HPSE2: variants seen among roughly 807,000 people sequenced by gnomAD.
HPSE2 encodes the protein heparanase 2 (inactive).
In HPSE2, 38 loss-of-function variants were observed where a neutral mutation model predicts 60.5. That is an observed-to-expected ratio of 0.63 (90% CI 0.48 to 0.82). The LOEUF is 0.82. Ranked by LOEUF, HPSE2 falls within the 40% of genes least tolerant of loss-of-function variation. The pLI is 0.00. For missense variants in HPSE2, 713 were observed against 740.4 expected (o/e 0.96, Z 0.43); for synonymous variants, 295 against 293.2 (o/e 1.01, Z -0.06).
At chr10:98,561,016 T>C (rs1031853036) in intron 9 of HPSE2, among the ~76,000 whole-genome samples, 5 of 152,190 alleles carry the variant, frequency 3.3e-5, no homozygotes, top group Admixed American at 6.5e-5. Context: ...CTTTTACTTA[T>C]TAAAATTTAA....
At position 98,983,900 on chromosome 10, in the gene HPSE2, A is replaced by C. The variant is rs956841164; in HGVS notation, c.610+160338T>G. ...CCATGGAGCCTCATTCATTGCTAGCACAGCAGTCTGAGATCGAACTGCAAG... is the reference window on the plus strand; with the variant it reads ...CCATGGAGCCTCATTCATTGCTAGCCCAGCAGTCTGAGATCGAACTGCAAG... On this transcript the variant is annotated intron_variant, in intron 3 of 11. Transcript: ENST00000370552. Among the ~76,000 whole-genome samples the C allele has an allele frequency of 1.5e-4, 23 of 152,286 alleles. No individual in the cohort carries two copies. The East Asian group carries it at 1.7e-3, about 12-fold the overall frequency.
At chr10:98,545,781 T>C (rs1193933358) in intron 9 of HPSE2, among the ~76,000 whole-genome samples, 2 of 151,360 alleles carry the variant, frequency 1.3e-5, no homozygotes, top group African/African-American at 2.4e-5. Context: ...CTATTCAACA[T>C]AGTGTTGGAA....
intron 9 of HPSE2, among the ~76,000 whole-genome samples, chr10:98,598,856 A>G (rs767559215): frequency 2.0e-5 from 3 of 151,932 alleles, no homozygotes; most frequent in Non-Finnish European, 4.4e-5. Context: ...GCCTGCGATC[A>G]TGGGTACTGG....
At chr10:98,570,737 A>C (rs1017981177) in intron 9 of HPSE2, among the ~76,000 whole-genome samples, 1 of 152,100 alleles carries the variant, frequency 6.6e-6, no homozygotes, top group Admixed American at 6.5e-5. Context: ...ACCACAGATA[A>C]AGGGTCTAGG....
intron 3 of HPSE2, among the ~76,000 whole-genome samples, chr10:99,110,035 A>T (rs193245910): frequency 6.6e-6 from 1 of 152,214 alleles, no homozygotes; most frequent in East Asian, 1.9e-4. Flanking sequence ...AAAAATTTGT[A>T]TCACAAGCAA....
At chr10:98,962,980 T>G (rs1955718336) in intron 3 of HPSE2, among the ~76,000 whole-genome samples, 1 of 152,202 alleles carries the variant, frequency 6.6e-6, no homozygotes. Context: ...CTGTCTTGTG[T>G]TCTACAGAGC....
intron 6 of HPSE2, among the ~76,000 whole-genome samples, chr10:98,664,230 A>C (rs1226696316): frequency 6.6e-6 from 1 of 152,048 alleles, no homozygotes; most frequent in Non-Finnish European, 1.5e-5. Context: ...CAGTGGGCAC[A>C]ACTGTGTTAC....
intron 3 of HPSE2, among the ~76,000 whole-genome samples, chr10:98,840,031 G>A (rs770277095): frequency 2.0e-5 from 3 of 152,086 alleles, no homozygotes; most frequent in Non-Finnish European, 4.4e-5. Flanking sequence ...TGCAAATATG[G>A]ACATTAGGAC....
In HPSE2 at chr10:98,686,653, T is replaced by C. The variant is rs537605971; in HGVS notation, c.1004+7247A>G. 3.3e-5 allele frequency among the ~76,000 whole-genome samples: 5 copies of C among 152,286 alleles called. No homozygotes were observed. The South Asian group carries it at 8.3e-4, about 25-fold the overall frequency. ...CTCCTTGCCTCAAGTGATCCTCCCA[T>C]TGCAGCCTCCCAAGTAGCTGGGATT... On this transcript the variant is annotated intron_variant, in intron 6 of 11. Transcript: ENST00000370552.
the HPSE2 span, among the ~76,000 whole-genome samples, chr10:99,296,882 A>G: frequency 1.3e-5 from 2 of 152,164 alleles, no homozygotes; most frequent in African/African-American, 4.8e-5. Context: ...GGTCAGCAGG[A>G]AAGTAATCAT....
the HPSE2 span, among the ~76,000 whole-genome samples, chr10:99,278,090 CAAAAAA>C: frequency 4.2e-5 from 5 of 118,296 alleles, no homozygotes; most frequent in Non-Finnish European, 1.7e-5. Flanking sequence ...GACTCCCTCT[CAAAAAA>C]AAAAAAAAAA....
intron 9 of HPSE2, among the ~76,000 whole-genome samples, chr10:98,494,112 C>T (rs757861652): frequency 2.4e-4 from 37 of 152,124 alleles, no homozygotes; most frequent in African/African-American, 3.6e-4. Context: ...GCTTGTTCTC[C>T]GGTGCCATAA....
intron 2 of HPSE2, among the ~76,000 whole-genome samples, chr10:99,165,881 C>T (rs1847059914): frequency 6.6e-6 from 1 of 152,094 alleles, no homozygotes; most frequent in Admixed American, 6.5e-5. Context: ...ATCAAGTAAC[C>T]ACTAGCCCAT....
chr10:98,501,634 T>C (rs1163659180), intron 9 of HPSE2, among the ~76,000 whole-genome samples: 1 of 152,132 alleles, frequency 6.6e-6, no homozygotes, highest in African/African-American at 2.4e-5. Context: ...CTCTGAGAAC[T>C]GGAACAAGAC....
At chr10:98,862,164 T>C (rs898432780) in intron 3 of HPSE2, among the ~76,000 whole-genome samples, 1 of 152,200 alleles carries the variant, frequency 6.6e-6, no homozygotes, top group Non-Finnish European at 1.5e-5. Context: ...AGCCCATCTC[T>C]GGCTCTAATG....
chr10:99,114,880 C>T (rs1278820030), intron 3 of HPSE2, among the ~76,000 whole-genome samples: 1 of 144,158 alleles, frequency 6.9e-6, no homozygotes, highest in Non-Finnish European at 1.5e-5. Context: ...CGCCACTGCA[C>T]TCCAGCCTGA....
chr10:98,561,811 G>T (rs1944192779), intron 9 of HPSE2, among the ~76,000 whole-genome samples: 1 of 152,174 alleles, frequency 6.6e-6, no homozygotes, highest in Admixed American at 6.5e-5. Context: ...TCGTGCCACT[G>T]CACTGTAGCC....
At chr10:99,168,372 T>C (rs1018870874) in intron 2 of HPSE2, among the ~76,000 whole-genome samples, 7 of 152,182 alleles carry the variant, frequency 4.6e-5, no homozygotes, top group Non-Finnish European at 8.8e-5. Flanking sequence ...TTTTTGCCCC[T>C]CTATAAAAAT....
intron 3 of HPSE2, among the ~76,000 whole-genome samples, chr10:98,917,361 A>G (rs1279297783): frequency 6.6e-6 from 1 of 152,216 alleles, no homozygotes; most frequent in African/African-American, 2.4e-5. Context: ...CTAATTTATA[A>G]GTTGGCATCA....
Sources: allele counts gnomAD v4.1 joint callset (sites outside exome capture counted in the v4.1 genomes callset), GRCh38; gene constraint gnomAD v4.1.1; transcripts MANE v1.5; gene names NCBI Gene and HGNC (gene_info 2026-07-23, HGNC 2026-07-21).